APLF: variants seen among roughly 807,000 people sequenced by gnomAD.
APLF encodes aprataxin and PNK-like factor.
Under a neutral mutation model 55.6 loss-of-function variants are expected in APLF, and 61 were observed. The ratio of observed to expected loss-of-function variants is 1.10; its 90% CI spans 0.89 to 1.36. The LOEUF is 1.36. APLF is among the 40% of genes most tolerant of loss of function. The pLI is 0.00. For missense variants in APLF, 611 were observed against 602.5 expected, an observed-to-expected ratio of 1.01 and a Z score of -0.15; for synonymous variants, 207 against 214.8, an observed-to-expected ratio of 0.96 and a Z score of 0.32.
chr2:68,513,240 A>G lies in APLF; in HGVS notation c.489+13A>G. On this transcript the variant is annotated intron_variant, in intron 4 of 9. Coordinates refer to ENST00000303795, the MANE Select transcript of APLF (RefSeq NM_173545.3). Reference sequence around the variant, plus strand: ...CACAAATAGTGTGGTGAGAAATTTGATATCTCATCCATTTATAACATGTTC... The same window carrying G: ...CACAAATAGTGTGGTGAGAAATTTGGTATCTCATCCATTTATAACATGTTC... The G allele has an allele frequency of 1.3e-6, 2 of 1,594,568 alleles. No homozygotes were observed. The highest frequency in any genetic ancestry group is 1.7e-6 in the Non-Finnish European group (2 of 1,173,112).
intron 4 of APLF, 55 bp from the exon 5 acceptor site, chr2:68,513,493 G>A: frequency 1.3e-6 from 2 of 1,579,400 alleles, no homozygotes; most frequent in South Asian, 2.3e-5. Context: ...CAGATATTTT[G>A]CAAATTCATT....
chr2:68,471,950 A>G (rs1675630217), intron 1 of APLF, among the ~76,000 whole-genome samples: 1 of 152,178 alleles, frequency 6.6e-6, no homozygotes. Context: ...GGGAGGCATG[A>G]GACATCAATC....
intron 3 of APLF, among the ~76,000 whole-genome samples, chr2:68,504,745 T>A (rs1049410997): frequency 6.6e-6 from 1 of 152,038 alleles, no homozygotes; most frequent in Non-Finnish European, 1.5e-5. Context: ...GCAGATGACA[T>A]GATTTGTATT....
intron 5 of APLF, among the ~76,000 whole-genome samples, chr2:68,516,811 T>A (rs1463893398): frequency 6.9e-5 from 10 of 144,546 alleles, no homozygotes; most frequent in Admixed American, 2.9e-4. Context: ...TGTATTTGTA[T>A]ATATATAGAG....
intron 1 of APLF, among the ~76,000 whole-genome samples, chr2:68,481,753 G>A (rs867457163): frequency 2.0e-5 from 3 of 151,902 alleles, no homozygotes; most frequent in East Asian, 1.9e-4. Context: ...ATATTTGTTC[G>A]CTTAATGTTG....
At chr2:68,515,144 T>A (rs1669542538) in intron 5 of APLF, among the ~76,000 whole-genome samples, 1 of 151,790 alleles carries the variant, frequency 6.6e-6, no homozygotes, top group South Asian at 2.1e-4. Context: ...CAAAGTGTTC[T>A]CATGGGAAAA....
At chr2:68,556,873 A>C (rs1180216606) in intron 8 of APLF, among the ~76,000 whole-genome samples, 2 of 152,214 alleles carry the variant, frequency 1.3e-5, no homozygotes, top group African/African-American at 4.8e-5. Flanking sequence ...CTGAATCTGC[A>C]ACATGGCCTG....
intron 3 of APLF, among the ~76,000 whole-genome samples, chr2:68,504,982 G>A (rs978932902): frequency 5.3e-5 from 8 of 151,982 alleles, no homozygotes; most frequent in African/African-American, 1.4e-4. Flanking sequence ...GTCTTGTTAA[G>A]GGTGCAGATT....
rs371599770 is a variant in APLF, at chr2:68,555,238, A to G, written c.1286+9926A>G. Among the ~76,000 whole-genome samples, 50 of 152,312 alleles carry G rather than the reference A, an allele frequency of 3.3e-4. 1 individual carries two copies. The highest frequency in any genetic ancestry group is 1.2e-3 in the African/African-American group (49 of 41,576). Reference sequence around the variant, plus strand: ...GACAAAACTGGAAAAACCCTTCTAGACATTGGCTTAGACAAGGATTTCATA... The same window carrying G: ...GACAAAACTGGAAAAACCCTTCTAGGCATTGGCTTAGACAAGGATTTCATA... On this transcript the variant is annotated intron_variant, in intron 8 of 9. Transcript: ENST00000303795.
Position 68,526,121 on chromosome 2 carries a change from C to A in APLF, c.683C>A (p.Thr228Lys). Residue 228 changes from threonine (T) to lysine (K), a missense_variant, in exon 6 of 10, where the codon ACA becomes AAA. Transcript: ENST00000303795. ...EICKDKSQLN[T>K]TQQGRRQLIS... The stretch of plus-strand genomic sequence containing the variant: ...TGCAAAGATAAATCCCAGCTAAACA[C>A]AACCCAGCAAGGAAGAAGGCAATTA... The A allele has an allele frequency of 2.5e-6, 4 of 1,613,834 alleles. No homozygotes were observed. The highest frequency in any genetic ancestry group is 3.4e-6 in the Non-Finnish European group (4 of 1,179,960).
At chr2:68,551,744 G>A (rs1183955451) in intron 8 of APLF, among the ~76,000 whole-genome samples, 1 of 145,464 alleles carries the variant, frequency 6.9e-6, no homozygotes, top group Non-Finnish European at 1.5e-5. Flanking sequence ...CAACATTTCT[G>A]GTTCTGCTTC....
At chr2:68,515,378 A>T (rs1669551467) in intron 5 of APLF, among the ~76,000 whole-genome samples, 1 of 151,522 alleles carries the variant, frequency 6.6e-6, no homozygotes, top group African/African-American at 2.4e-5. Flanking sequence ...TGTAGTGGGG[A>T]GGGGCAGACA....
chr2:68,475,606 A>G (rs1210914118), intron 1 of APLF, among the ~76,000 whole-genome samples: 1 of 152,186 alleles, frequency 6.6e-6, no homozygotes, highest in Non-Finnish European at 1.5e-5. Context: ...TCTGGGCAAA[A>G]TCAAGTCTAT....
intron 1 of APLF, among the ~76,000 whole-genome samples, chr2:68,484,981 T>TGTGC (rs1553368484): frequency 4.6e-5 from 7 of 152,072 alleles, no homozygotes; most frequent in African/African-American, 1.5e-4. Flanking sequence ...TGTGTGTGTG[T>TGTGC]GCGCACATTT....
chr2:68,567,413 CA>C, intron 9 of APLF, 26 bp downstream of exon 9: 1 of 1,532,884 alleles, frequency 6.5e-7, no homozygotes. Flanking sequence ...TCAGAAAATT[CA>C]AAATGAAACC....
intron 9 of APLF, among the ~76,000 whole-genome samples, chr2:68,568,764 TA>T (rs1166320538): frequency 6.6e-6 from 1 of 152,170 alleles, no homozygotes; most frequent in Non-Finnish European, 1.5e-5. Flanking sequence ...ATTATTGAAG[TA>T]TTTTTTGAAT....
chr2:68,520,088 A>G (rs1033585628), intron 5 of APLF, among the ~76,000 whole-genome samples: 2 of 151,748 alleles, frequency 1.3e-5, no homozygotes, highest in African/African-American at 4.8e-5. Flanking sequence ...TCATTTTTTC[A>G]TATGTTTGTT....
rs112319851 is a variant in APLF at position 68,543,072 on chromosome 2, T to G, written c.1161-2115T>G. ...AAAGATAAATACTTCATAATTCTAC[T>G]TGTAGGAGGTATCTAGAGTAGTTAG... On this transcript the variant is annotated intron_variant, in intron 7 of 9. Coordinates refer to ENST00000303795, the MANE Select transcript of APLF (RefSeq NM_173545.3). 6.7e-3 allele frequency among the ~76,000 whole-genome samples: 1,022 copies of G among 152,256 alleles called. 12 individuals are homozygous for G. The highest frequency in any genetic ancestry group is 0.023 in the African/African-American group (961 of 41,528).
At chr2:68,474,030 C>G (rs1225740297) in intron 1 of APLF, among the ~76,000 whole-genome samples, 2 of 152,144 alleles carry the variant, frequency 1.3e-5, no homozygotes, top group African/African-American at 4.8e-5. Context: ...GATCCCATGG[C>G]CCTTTCCTTG....
Sources: gnomAD v4.1 joint callset for allele counts (sites outside exome capture counted in the v4.1 genomes callset) on GRCh38, gnomAD v4.1.1 for gene constraint, MANE v1.5 for transcripts, NCBI Gene and HGNC (gene_info 2026-07-23, HGNC 2026-07-21) for gene names.